The following CDC42BPB variants were observed in gnomAD, a reference collection of about 807,000 sequenced individuals.
CDC42BPB encodes the protein serine/threonine-protein kinase MRCK beta.
A neutral mutation model predicts 214.9 loss-of-function variants in CDC42BPB; 37 were observed. The ratio of observed to expected loss-of-function variants is 0.17; its 90% confidence interval spans 0.13 to 0.23. The LOEUF is 0.23. Among genes scored for constraint, CDC42BPB ranks in the 10% least tolerant of loss-of-function variants. The probability of loss-of-function intolerance (pLI) is 1.00; values close to 1 mark genes in which losing one functional copy is unlikely to be tolerated. For missense variants in CDC42BPB, 1,694 were observed against 2,227.0 expected (o/e 0.76, Z 4.82); for synonymous variants, 931 against 884.0 (o/e 1.05, Z -0.94).
chr14:103,036,017 G>A (rs1035336459), intron 1 of CDC42BPB, among the ~76,000 whole-genome samples: 29 of 152,054 alleles, frequency 1.9e-4, no homozygotes, highest in Non-Finnish European at 4.1e-4. Flanking sequence ...CAAGTGTGGT[G>A]GCACGCACCT....
At chr14:102,982,342 T>C (rs1037304368) in intron 7 of CDC42BPB, among the ~76,000 whole-genome samples, 3 of 152,318 alleles carry the variant, frequency 2.0e-5, no homozygotes, top group Middle Eastern at 3.4e-3. Context: ...GAGAGCGAAC[T>C]GTGGGAGGCC....
chr14:102,987,386 T>C (rs1461104065), intron 5 of CDC42BPB, among the ~76,000 whole-genome samples: 1 of 152,238 alleles, frequency 6.6e-6, no homozygotes, highest in Non-Finnish European at 1.5e-5. Flanking sequence ...CTCAACAGTA[T>C]GAATGCAAAC....
At chr14:102,990,729 A>G (rs1220742140) in intron 5 of CDC42BPB, among the ~76,000 whole-genome samples, 1 of 152,220 alleles carries the variant, frequency 6.6e-6, no homozygotes, top group Admixed American at 6.5e-5. Context: ...GTGGGGACAG[A>G]GAAGGTATAG....
At chr14:103,025,966 C>T (rs1374279824) in intron 1 of CDC42BPB, among the ~76,000 whole-genome samples, 1 of 152,118 alleles carries the variant, frequency 6.6e-6, no homozygotes, top group African/African-American at 2.4e-5. Context: ...TGGGGGAAAA[C>T]AGCATCTTCA....
chr14:102,970,609 C>T (rs1454011710), intron 13 of CDC42BPB, among the ~76,000 whole-genome samples: 1 of 152,154 alleles, frequency 6.6e-6, no homozygotes, highest in African/African-American at 2.4e-5. Flanking sequence ...CAAACACGCA[C>T]ACGAAGAACG....
chr14:102,972,140 G>A lies in CDC42BPB; in HGVS notation c.1663C>T (p.Arg555Trp), dbSNP rs931183204. ...LHKQLVEASERLKSQAKELKD... is the reference protein window; with the variant it reads ...LHKQLVEASEWLKSQAKELKD... ...AGTTCCTTGGCCTGGGATTTCAACC[G>A]CTCTGAGGCTTCAACCAGTTGCTGA... The change falls in exon 13 of 37, where the codon CGG (arginine) becomes TGG (tryptophan). Residue 555 changes from arginine (R) to tryptophan (W), a missense_variant. Transcript: ENST00000361246. The A allele has an allele frequency of 1.2e-6, 2 of 1,614,022 alleles. No homozygotes were observed. Among genetic ancestry groups the A allele is most frequent in the South Asian group, 1.1e-5 (1 of 91,078 alleles).
In CDC42BPB at chr14:103,057,304, C is replaced by G; in HGVS notation, c.-131G>C. On this transcript the variant is annotated 5_prime_UTR_variant, in exon 1 of 37. Transcript: ENST00000361246. ...CGGCGCCTCCTCGCCGCCCCGTCCG[C>G]GTCGTCGCGCCCCGGCCTAGGCCGA... The G allele has an allele frequency of 9.4e-7, 1 of 1,066,028 alleles. No individual in the cohort carries two copies. The highest frequency in any genetic ancestry group is 1.1e-6 in the Non-Finnish European group (1 of 884,088). 66.0% of individuals were successfully genotyped at this position (1,066,028 alleles called of 1,614,324 possible).
intron 1 of CDC42BPB, among the ~76,000 whole-genome samples, chr14:103,024,859 G>A (rs1387623727): frequency 5.3e-5 from 8 of 152,150 alleles, no homozygotes; most frequent in Admixed American, 5.2e-4. Flanking sequence ...GATTACAGGC[G>A]TGAGCCACTG....
intron 5 of CDC42BPB, among the ~76,000 whole-genome samples, chr14:102,992,230 G>A (rs1466272294): frequency 6.6e-6 from 1 of 152,190 alleles, no homozygotes; most frequent in Non-Finnish European, 1.5e-5. Flanking sequence ...CGGTTTGGGA[G>A]CTTTACTGAA....
At chr14:103,056,012 C>A (rs913659348) in intron 1 of CDC42BPB, among the ~76,000 whole-genome samples, 1 of 152,186 alleles carries the variant, frequency 6.6e-6, no homozygotes, top group African/African-American at 2.4e-5. Flanking sequence ...GGGTCTTGAC[C>A]GGCACACCCG....
intron 1 of CDC42BPB, among the ~76,000 whole-genome samples, chr14:103,027,246 AATG>A (rs1887105152): frequency 6.6e-6 from 1 of 152,198 alleles, no homozygotes; most frequent in Admixed American, 6.5e-5. Flanking sequence ...GAGATTGTAA[AATG>A]ATGTAGCCTG....
intron 5 of CDC42BPB, among the ~76,000 whole-genome samples, chr14:102,989,813 C>T (rs374770118): frequency 2.0e-5 from 3 of 150,690 alleles, no homozygotes; most frequent in Non-Finnish European, 4.4e-5. Flanking sequence ...GAGCCGAGAT[C>T]GCACCACTGC....
At chr14:103,049,079 G>C (rs1888461204) in intron 1 of CDC42BPB, among the ~76,000 whole-genome samples, 1 of 152,190 alleles carries the variant, frequency 6.6e-6, no homozygotes, top group African/African-American at 2.4e-5. Context: ...CAGAAAAAGA[G>C]CAAGGGGTGA....
intron 26 of CDC42BPB, chr14:102,948,064 C>T: frequency 1.4e-6 from 1 of 696,234 alleles, no homozygotes; most frequent in Non-Finnish European, 1.8e-6. Flanking sequence ...CCAGACTATG[C>T]CAGTTACAGA....
At chr14:103,005,708 A>G (rs1411799692) in intron 3 of CDC42BPB, among the ~76,000 whole-genome samples, 5 of 150,396 alleles carry the variant, frequency 3.3e-5, no homozygotes, top group Admixed American at 6.6e-5. Context: ...AAAACAAGAA[A>G]AAAAAAGTTT....
At chr14:102,977,509 C>G (rs1245281339) in intron 9 of CDC42BPB, among the ~76,000 whole-genome samples, 1 of 152,120 alleles carries the variant, frequency 6.6e-6, no homozygotes, top group African/African-American at 2.4e-5. Context: ...CTCTTGGCCC[C>G]AGTTTCCTTT....
chr14:102,966,702 A>G (rs1395114656), intron 17 of CDC42BPB: 1 of 212,004 alleles, frequency 4.7e-6, no homozygotes, highest in Non-Finnish European at 8.1e-6. Flanking sequence ...TTACAACTTC[A>G]CACCTTAGGA....
rs1296866321 is a variant in CDC42BPB at position 103,003,909 on chromosome 14, C to A, written c.447+19G>T. 14 of 1,595,932 alleles carry A rather than the reference C, an allele frequency of 8.8e-6. No homozygotes were observed. Among genetic ancestry groups the A allele is most frequent in the Non-Finnish European group, 1.1e-5 (13 of 1,165,428 alleles). On this transcript the variant is annotated intron_variant, in intron 4 of 36. Transcript: ENST00000361246. The stretch of plus-strand genomic sequence containing the variant: ...GCCGGAGCGAATGCCCTGACCGAGT[C>A]TCTGGCTGTGCGACCTACCAGGTGG...
At chr14:102,933,917 A>G (rs1891512620) in intron 36 of CDC42BPB, 74 bp from the exon 37 acceptor site, 1 of 1,453,180 alleles carries the variant, frequency 6.9e-7, no homozygotes, top group African/African-American at 1.5e-5. Flanking sequence ...AGCTGGATGC[A>G]AATGTTTGCT....
Sources: allele counts gnomAD v4.1 joint callset (sites outside exome capture counted in the v4.1 genomes callset), GRCh38; gene constraint gnomAD v4.1.1; transcripts MANE v1.5; gene names NCBI Gene and HGNC (gene_info 2026-07-23, HGNC 2026-07-21).